The following EPHA7 variants were observed in gnomAD, a reference collection of about 807,000 sequenced individuals.
EPHA7 encodes the protein EPH receptor A7, also known as ephrin type-A receptor 7.
EPHA7 carries 25 observed loss-of-function variants against 112.6 expected under a neutral mutation model. That is an observed-to-expected ratio of 0.22 (90% CI 0.16 to 0.31). The LOEUF is 0.31. Among genes scored for constraint, EPHA7 ranks in the 10% least tolerant of loss-of-function variants. The pLI is 1.00. For missense variants in EPHA7, 962 were observed against 1,212.6 expected (o/e 0.79, Z 3.07); for synonymous variants, 437 against 406.5 (o/e 1.07, Z -0.90).
intron 3 of EPHA7, among the ~76,000 whole-genome samples, chr6:93,360,231 G>A (rs190066927): frequency 2.0e-5 from 3 of 151,862 alleles, no homozygotes; most frequent in Non-Finnish European, 4.4e-5. Flanking sequence ...TAACAGAAAG[G>A]ATAAAGGGTT....
At chr6:93,280,474 T>C (rs1035139386) in intron 5 of EPHA7, among the ~76,000 whole-genome samples, 33 of 152,358 alleles carry the variant, frequency 2.2e-4, no homozygotes, top group Non-Finnish European at 4.4e-5. Context: ...CTTCAACTAA[T>C]ACAGATTTCA....
At position 93,367,776 on chromosome 6, in the gene EPHA7, C is replaced by T. The variant is rs75274236; in HGVS notation, c.833-9365G>A. On this transcript the variant is annotated intron_variant, in intron 3 of 16. Coordinates refer to ENST00000369303, the MANE Select transcript of EPHA7 (RefSeq NM_004440.4). Reference sequence around the variant, plus strand: ...TATAAGATTGTTATGAATTACAGTGCATAGTTCACGTGAAGAACTTAGTAT... The same window carrying T: ...TATAAGATTGTTATGAATTACAGTGTATAGTTCACGTGAAGAACTTAGTAT... Among the ~76,000 whole-genome samples, 1,241 of 152,158 alleles carry T rather than the reference C, an allele frequency of 8.2e-3. 27 individuals are homozygous for T. The highest frequency in any genetic ancestry group is 0.028 in the African/African-American group (1,150 of 41,528).
chr6:93,272,190 T>G lies in EPHA7; in HGVS notation c.1449+108A>C, dbSNP rs553086633. 89 of 1,265,800 alleles carry G rather than the reference T, an allele frequency of 7.0e-5. 1 individual carries two copies. In the South Asian group the frequency reaches 1.2e-3, roughly 17 times the overall value. The allele number at this position is 1,265,800 out of a possible 1,614,324, so 78.4% of individuals were successfully genotyped here. ...AATGGCTAAAATTAACTACGAAGTT[T>G]GAAGTAGCTCCAAATTGTTGGCATA... On this transcript the variant is annotated intron_variant, in intron 6 of 16. Transcript: ENST00000369303.
chr6:93,377,956 C>T (rs752505081), intron 3 of EPHA7, among the ~76,000 whole-genome samples: 1 of 152,058 alleles, frequency 6.6e-6, no homozygotes, highest in Non-Finnish European at 1.5e-5. Flanking sequence ...AGTTCCTGCC[C>T]TCATAGACCT....
At chr6:93,371,819 A>C (rs1426193184) in intron 3 of EPHA7, among the ~76,000 whole-genome samples, 2 of 152,294 alleles carry the variant, frequency 1.3e-5, no homozygotes, top group East Asian at 1.9e-4. Context: ...AAACCTGACT[A>C]AAGATTTGAA....
intron 5 of EPHA7, among the ~76,000 whole-genome samples, chr6:93,338,156 G>A (rs940212936): frequency 6.6e-6 from 1 of 152,044 alleles, no homozygotes. Context: ...AATTTTCTGC[G>A]GTTAAGGAAA....
At chr6:93,391,201 C>G (rs1777888658) in intron 3 of EPHA7, among the ~76,000 whole-genome samples, 2 of 151,928 alleles carry the variant, frequency 1.3e-5, no homozygotes. Context: ...GGTGCTACCT[C>G]TCCAGAGATT....
chr6:93,274,375 T>C (rs543221412), intron 5 of EPHA7, among the ~76,000 whole-genome samples: 1 of 152,006 alleles, frequency 6.6e-6, no homozygotes, highest in Non-Finnish European at 1.5e-5. Context: ...GATCTAAATA[T>C]AAAATGAGAT....
At chr6:93,250,745 T>C (rs967463789) in intron 14 of EPHA7, among the ~76,000 whole-genome samples, 1 of 152,128 alleles carries the variant, frequency 6.6e-6, no homozygotes, top group Non-Finnish European at 1.5e-5. Flanking sequence ...TCTTGTGAAA[T>C]TACTAGAAAC....
At position 93,240,852 on chromosome 6, in the gene EPHA7, T is replaced by C; in HGVS notation, c.*2574A>G. 1 of 208,152 alleles carries C rather than the reference T, an allele frequency of 4.8e-6. No homozygotes were observed. The highest frequency in any genetic ancestry group is 9.8e-6 in the Non-Finnish European group (1 of 101,952). 12.9% of individuals were successfully genotyped at this position (208,152 alleles called of 1,614,324 possible). A position where few individuals can be genotyped will look rare whatever the true frequency, so the allele number is the denominator to read the frequency against. ...ATCAGCATTACAATGTTAATTCTTT[T>C]TCTCTTAATATTTGTTTCACATACA... On this transcript the variant is annotated 3_prime_UTR_variant, in exon 17 of 17. Transcript: ENST00000369303.
At chr6:93,398,381 C>T (rs1282854197) in intron 3 of EPHA7, among the ~76,000 whole-genome samples, 1 of 151,916 alleles carries the variant, frequency 6.6e-6, no homozygotes, top group African/African-American at 2.4e-5. Flanking sequence ...CTATAACCTT[C>T]AGCATTGATC....
chr6:93,357,057 G>C lies in EPHA7; in HGVS notation c.989-5C>G. 1 of 1,584,242 alleles carries C rather than the reference G, an allele frequency of 6.3e-7. No homozygotes were observed. Among genetic ancestry groups the C allele is most frequent in the South Asian group, 1.1e-5 (1 of 88,254 alleles). On this transcript the variant is annotated splice_polypyrimidine_tract_variant and splice_region_variant and intron_variant, in intron 4 of 16. Coordinates refer to ENST00000369303, the MANE Select transcript of EPHA7 (RefSeq NM_004440.4). ...TCTGTGGTGCAGATGGAGGCCCTTG[G>C]GAAACCAAGAATAAATAAGTAAATA...
intron 5 of EPHA7, among the ~76,000 whole-genome samples, chr6:93,299,282 C>A (rs895207766): frequency 6.6e-6 from 1 of 151,140 alleles, no homozygotes; most frequent in Admixed American, 6.6e-5. Context: ...GCCGAGATCG[C>A]GCCACTGCAC....
In EPHA7 at chr6:93,419,431, T is replaced by A; in HGVS notation, c.-90A>T. The A allele has an allele frequency of 9.5e-7, 1 of 1,054,734 alleles. No individual in the cohort carries two copies. The highest frequency in any genetic ancestry group is 1.5e-5 in the South Asian group (1 of 68,580). 65.3% of individuals were successfully genotyped at this position (1,054,734 alleles called of 1,614,324 possible). A position where few individuals can be genotyped will look rare whatever the true frequency, so the allele number is the denominator to read the frequency against. Reference sequence around the variant, plus strand: ...TGTTCCGAAGTAGCTTTTGTTTTATTGTGCTCCTTGCATCGATTCCCCTTC... The same window carrying A: ...TGTTCCGAAGTAGCTTTTGTTTTATAGTGCTCCTTGCATCGATTCCCCTTC... On this transcript the variant is annotated 5_prime_UTR_variant, in exon 1 of 17. Transcript: ENST00000369303.
At chr6:93,252,131 C>CTTT (rs72562775) in intron 14 of EPHA7, among the ~76,000 whole-genome samples, 1 of 151,700 alleles carries the variant, frequency 6.6e-6, no homozygotes, top group Non-Finnish European at 1.5e-5. Flanking sequence ...TCATTAGCTT[C>CTTT]TACACCACCC....
At chr6:93,273,409 C>T (rs1771323939) in intron 5 of EPHA7, among the ~76,000 whole-genome samples, 1 of 151,874 alleles carries the variant, frequency 6.6e-6, no homozygotes, top group African/African-American at 2.4e-5. Context: ...GTTAATAATC[C>T]TGCTGACAGA....
intron 7 of EPHA7, among the ~76,000 whole-genome samples, chr6:93,266,542 C>G (rs1204264334): frequency 6.6e-6 from 1 of 151,656 alleles, no homozygotes; most frequent in African/African-American, 2.4e-5. Flanking sequence ...AAGTAATTTG[C>G]TAAGGCTATA....
In EPHA7 at chr6:93,241,827, A is replaced by T; in HGVS notation, c.*1599T>A. The T allele has an allele frequency of 4.6e-6, 1 of 219,258 alleles. No individual in the cohort carries two copies. Among genetic ancestry groups the T allele is most frequent in the Non-Finnish European group, 9.2e-6 (1 of 108,838 alleles). The allele number at this position is 219,258 out of a possible 1,614,324, so 13.6% of individuals were successfully genotyped here. A position where few individuals can be genotyped will look rare whatever the true frequency, so the allele number is the denominator to read the frequency against. On this transcript the variant is annotated 3_prime_UTR_variant, in exon 17 of 17. Coordinates refer to ENST00000369303, the MANE Select transcript of EPHA7 (RefSeq NM_004440.4). ...TACAGAGAAATGTGTGTACAAAACA[A>T]GACAGTATAAATAAAATTTACAAGT...
intron 5 of EPHA7, among the ~76,000 whole-genome samples, chr6:93,277,180 G>A (rs1028307218): frequency 2.9e-4 from 44 of 152,068 alleles, no homozygotes; most frequent in African/African-American, 9.4e-4. Context: ...TAACAAATGC[G>A]TGTGTTACTA....
Sources: allele counts gnomAD v4.1 joint callset (sites outside exome capture counted in the v4.1 genomes callset), GRCh38; gene constraint gnomAD v4.1.1; transcripts MANE v1.5; gene names NCBI Gene and HGNC (gene_info 2026-07-23, HGNC 2026-07-21).